CPQ: variants seen among roughly 807,000 people sequenced by gnomAD.
CPQ encodes the protein carboxypeptidase Q.
A neutral mutation model predicts 45.7 loss-of-function variants in CPQ; 37 were observed. That is an observed-to-expected ratio of 0.81 (90% CI 0.62 to 1.07). The LOEUF (loss-of-function observed/expected upper bound fraction) is 1.07, where lower values mean the gene tolerates loss of function less well. CPQ is among the 50% of genes least tolerant of loss of function. The probability of loss-of-function intolerance (pLI) is 0.00; values close to 1 mark genes in which losing one functional copy is unlikely to be tolerated. For synonymous variants in CPQ, 186 were observed against 205.8 expected (o/e 0.90, Z 0.82); for missense variants, 537 against 572.9 (o/e 0.94, Z 0.64).
At chr8:96,677,114 A>G (rs748154254) in intron 1 of CPQ, among the ~76,000 whole-genome samples, 9 of 152,046 alleles carry the variant, frequency 5.9e-5, no homozygotes, top group Non-Finnish European at 1.3e-4. Context: ...TTGCAATTGC[A>G]AATTGTGCTG....
At chr8:97,063,196 A>G (rs2130523814) in intron 6 of CPQ, among the ~76,000 whole-genome samples, 1 of 152,138 alleles carries the variant, frequency 6.6e-6, no homozygotes, top group South Asian at 2.1e-4. Context: ...ATGGTATCTC[A>G]TTGTGGTTTT....
At chr8:96,700,962 C>T (rs549508987) in intron 1 of CPQ, among the ~76,000 whole-genome samples, 1 of 152,238 alleles carries the variant, frequency 6.6e-6, no homozygotes, top group Non-Finnish European at 1.5e-5. Flanking sequence ...CTTCTAATAA[C>T]TGAAAGTGAT....
At chr8:96,677,270 A>T (rs1429834312) in intron 1 of CPQ, among the ~76,000 whole-genome samples, 1 of 152,128 alleles carries the variant, frequency 6.6e-6, no homozygotes, top group Non-Finnish European at 1.5e-5. Context: ...CAGTGGTTGT[A>T]CCAGTTTACA....
At chr8:96,794,185 A>G (rs1260107120) in intron 2 of CPQ, among the ~76,000 whole-genome samples, 2 of 152,166 alleles carry the variant, frequency 1.3e-5, no homozygotes, top group African/African-American at 4.8e-5. Flanking sequence ...CATGAGAGCA[A>G]TGCCCCTACA....
intron 5 of CPQ, among the ~76,000 whole-genome samples, chr8:96,981,876 G>A (rs1813904858): frequency 6.6e-6 from 1 of 152,168 alleles, no homozygotes; most frequent in African/African-American, 2.4e-5. Flanking sequence ...AAGCCGCCCT[G>A]TAAGGCATGT....
At chr8:97,055,882 C>T (rs142163903) in intron 6 of CPQ, among the ~76,000 whole-genome samples, 2,544 of 152,202 alleles carry the variant, frequency 0.017, 28 homozygotes, top group Non-Finnish European at 0.026. Flanking sequence ...GGTGGATCAC[C>T]TGAGCCCAAA....
chr8:97,100,933 A>T (rs1420865622), intron 7 of CPQ, among the ~76,000 whole-genome samples: 1 of 152,224 alleles, frequency 6.6e-6, no homozygotes, highest in Admixed American at 6.5e-5. Context: ...ATAATTTTAC[A>T]GTTCAATTTG....
At chr8:96,816,534 C>T (rs1364920328) in intron 2 of CPQ, among the ~76,000 whole-genome samples, 1 of 152,102 alleles carries the variant, frequency 6.6e-6, no homozygotes, top group Admixed American at 6.5e-5. Context: ...CATGAATATT[C>T]TTAATGGAAT....
rs1251753064 is a variant in CPQ, at chr8:97,072,350, C to T, written c.1255+6140C>T. On this transcript the variant is annotated intron_variant, in intron 7 of 7. Coordinates refer to ENST00000220763, the MANE Select transcript of CPQ (RefSeq NM_016134.4). ...ATCCTCCAGCATCTCCCTGCTGTCT[C>T]CAGAGTATGTATGAATAAAGTGTTC... 1.3e-5 allele frequency among the ~76,000 whole-genome samples: 2 copies of T among 152,214 alleles called. 1 individual carries two copies. Among genetic ancestry groups the T allele is most frequent in the East Asian group, 3.9e-4 (2 of 5,178 alleles).
chr8:97,044,650 A>T (rs1810200052), intron 6 of CPQ, among the ~76,000 whole-genome samples: 1 of 152,186 alleles, frequency 6.6e-6, no homozygotes, highest in African/African-American at 2.4e-5. Context: ...GGTGATGTAC[A>T]GATGGGTTTT....
chr8:96,684,489 G>A (rs1291839239), intron 1 of CPQ, among the ~76,000 whole-genome samples: 1 of 152,134 alleles, frequency 6.6e-6, no homozygotes, highest in Non-Finnish European at 1.5e-5. Flanking sequence ...GGCAGGTACG[G>A]TTAGGACTGA....
intron 5 of CPQ, among the ~76,000 whole-genome samples, chr8:97,010,454 C>T (rs1586492805): frequency 6.6e-6 from 1 of 152,176 alleles, no homozygotes; most frequent in East Asian, 1.9e-4. Context: ...ATAATACTGT[C>T]AGGTATTATA....
chr8:97,001,807 C>T (rs533010636), intron 5 of CPQ, among the ~76,000 whole-genome samples: 2 of 143,220 alleles, frequency 1.4e-5, no homozygotes, highest in South Asian at 4.4e-4. Flanking sequence ...AGTGAGTAGT[C>T]CCTCTTCAAT....
chr8:96,694,002 G>T (rs1439905780), intron 1 of CPQ, among the ~76,000 whole-genome samples: 10 of 152,016 alleles, frequency 6.6e-5, no homozygotes, highest in Non-Finnish European at 1.3e-4. Flanking sequence ...TTCTCTTTTT[G>T]CTTGCTTGTT....
chr8:96,822,659 A>T (rs1040290583), intron 2 of CPQ, among the ~76,000 whole-genome samples: 3 of 151,800 alleles, frequency 2.0e-5, no homozygotes, highest in Non-Finnish European at 4.4e-5. Flanking sequence ...ATTTTGTCTC[A>T]TGTTTCTCTT....
intron 1 of CPQ, among the ~76,000 whole-genome samples, chr8:96,737,254 C>CACACAA (rs1554561400): frequency 3.2e-5 from 4 of 124,808 alleles, no homozygotes; most frequent in Non-Finnish European, 1.6e-5. Flanking sequence ...CACACACACA[C>CACACAA]AAAAAAAAAC....
intron 7 of CPQ, among the ~76,000 whole-genome samples, chr8:97,077,881 TTAAA>T (rs151246027): frequency 8.8e-4 from 134 of 152,322 alleles, no homozygotes; most frequent in Non-Finnish European, 8.4e-4. Context: ...CTTTATTAAT[TTAAA>T]TAAATCTATG....
intron 3 of CPQ, among the ~76,000 whole-genome samples, chr8:96,875,420 T>C (rs1047697248): frequency 5.3e-5 from 8 of 151,962 alleles, no homozygotes; most frequent in Admixed American, 2.0e-4. Flanking sequence ...TGAAGTTTTG[T>C]AGTTTTAGCT....
At chr8:96,895,814 TTTAAGG>T (rs1812435029) in intron 4 of CPQ, among the ~76,000 whole-genome samples, 1 of 152,194 alleles carries the variant, frequency 6.6e-6, no homozygotes, top group Non-Finnish European at 1.5e-5. Context: ...TGATTCTTAA[TTTAAGG>T]TTAAACTAAT....
Sources: gnomAD v4.1 joint callset for allele counts (sites outside exome capture counted in the v4.1 genomes callset) on GRCh38, gnomAD v4.1.1 for gene constraint, MANE v1.5 for transcripts, NCBI Gene and HGNC (gene_info 2026-07-23, HGNC 2026-07-21) for gene names.